GFRA2: variants seen among roughly 807,000 people sequenced by gnomAD.
GFRA2 encodes GDNF family receptor alpha-2.
In GFRA2, 17 loss-of-function variants were observed where a neutral mutation model predicts 48.3. That is an observed-to-expected ratio of 0.35 (90% CI 0.24 to 0.53). The LOEUF (loss-of-function observed/expected upper bound fraction) is 0.53. GFRA2 is among the 20% of genes least tolerant of loss of function. The probability of loss-of-function intolerance (pLI) is 0.93; values close to 1 mark genes in which losing one functional copy is unlikely to be tolerated. For missense variants in GFRA2, 660 were observed against 637.3 expected (o/e 1.04, Z -0.38); for synonymous variants, 305 against 257.2 (o/e 1.19, Z -1.78).
intron 4 of GFRA2, among the ~76,000 whole-genome samples, chr8:21,717,635 G>C (rs1044115915): frequency 2.0e-5 from 3 of 152,160 alleles, no homozygotes; most frequent in African/African-American, 7.2e-5. Context: ...AATGTTACGG[G>C]TTCTGGAAGC....
chr8:21,738,421 C>T (rs1804589828), intron 4 of GFRA2, among the ~76,000 whole-genome samples: 1 of 151,752 alleles, frequency 6.6e-6, no homozygotes, highest in Non-Finnish European at 1.5e-5. Flanking sequence ...GACTCCATCA[C>T]ATTTCAGCTT....
At chr8:21,712,608 G>A (rs1004403171) in intron 4 of GFRA2, among the ~76,000 whole-genome samples, 30 of 149,542 alleles carry the variant, frequency 2.0e-4, no homozygotes, top group African/African-American at 5.6e-4. Context: ...ACGGGGTGGC[G>A]GCCGGGCAGA....
intron 5 of GFRA2, 112 bp from the exon 6 acceptor site, chr8:21,705,237 A>G: frequency 9.5e-7 from 1 of 1,053,120 alleles, no homozygotes; most frequent in East Asian, 2.6e-5. Context: ...CCATCCTCTG[A>G]CCTGGCCCCA....
rs570763394 is a variant in GFRA2, at chr8:21,704,890, C to T, written c.1045+95G>A. ...GGCGGAGAAGCCTCATCTACATCAC[C>T]AGCCATCCCCACGGAAGGAGATGGG... On this transcript the variant is annotated intron_variant, in intron 6 of 8. Transcript: ENST00000524240. The T allele has an allele frequency of 3.3e-5, 33 of 989,960 alleles. No individual in the cohort carries two copies. In the African/African-American group the frequency reaches 4.4e-4, roughly 13 times the overall value. 61.3% of individuals were successfully genotyped at this position (989,960 alleles called of 1,614,324 possible).
chr8:21,743,050 T>C (rs1261052748), intron 4 of GFRA2, among the ~76,000 whole-genome samples: 1 of 152,178 alleles, frequency 6.6e-6, no homozygotes, highest in African/African-American at 2.4e-5. Context: ...TAATATCCAG[T>C]ATTCCAGCCT....
chr8:21,758,327 T>C (rs1805690671), intron 3 of GFRA2, among the ~76,000 whole-genome samples: 1 of 152,126 alleles, frequency 6.6e-6, no homozygotes, highest in African/African-American at 2.4e-5. Context: ...TTCATCCCCC[T>C]CTGCCACCTC....
intron 3 of GFRA2, among the ~76,000 whole-genome samples, chr8:21,773,922 C>G (rs1310896911): frequency 6.6e-6 from 1 of 152,228 alleles, no homozygotes; most frequent in Non-Finnish European, 1.5e-5. Flanking sequence ...TGAACATCCT[C>G]AGACTCACAG....
chr8:21,754,891 CA>C (rs1188016858), intron 3 of GFRA2, among the ~76,000 whole-genome samples: 5 of 151,986 alleles, frequency 3.3e-5, no homozygotes, highest in Non-Finnish European at 7.4e-5. Flanking sequence ...TACATCCAGA[CA>C]AAAGAATCTT....
intron 2 of GFRA2, among the ~76,000 whole-genome samples, chr8:21,799,721 G>A (rs1418357938): frequency 6.6e-6 from 1 of 152,158 alleles, no homozygotes; most frequent in Non-Finnish European, 1.5e-5. Context: ...TTGTTAGTCT[G>A]AAGAAACAAA....
chr8:21,763,937 A>G (rs928573071), intron 3 of GFRA2, among the ~76,000 whole-genome samples: 4 of 144,184 alleles, frequency 2.8e-5, no homozygotes, highest in Admixed American at 1.4e-4. Context: ...TGAGCAGCCA[A>G]AGGTCACTAG....
chr8:21,726,735 A>G (rs79779810), intron 4 of GFRA2, among the ~76,000 whole-genome samples: 1,534 of 147,682 alleles, frequency 0.01, 33 homozygotes, highest in African/African-American at 0.037. Context: ...TCTTAATTAC[A>G]TCTGCAAACA....
At chr8:21,698,378 C>T (rs1786276584) in intron 7 of GFRA2, among the ~76,000 whole-genome samples, 1 of 152,168 alleles carries the variant, frequency 6.6e-6, no homozygotes, top group African/African-American at 2.4e-5. Context: ...ATAGCTTTCT[C>T]CCAGGGATGC....
intron 4 of GFRA2, among the ~76,000 whole-genome samples, chr8:21,710,742 G>C (rs1004204822): frequency 6.6e-6 from 1 of 152,252 alleles, no homozygotes; most frequent in African/African-American, 2.4e-5. Flanking sequence ...ATAGCAAACG[G>C]AGGGGGAGAA....
intron 4 of GFRA2, among the ~76,000 whole-genome samples, chr8:21,740,075 G>C (rs974357288): frequency 4.6e-5 from 7 of 152,150 alleles, no homozygotes; most frequent in African/African-American, 1.7e-4. Flanking sequence ...CAGTATCAAA[G>C]ACCAACAGTG....
rs1459794356 is a variant in GFRA2, at chr8:21,750,781, G to A, written c.601C>T (p.His201Tyr). Reference protein sequence around the residue: ...PTERCNRRKCHKALRQFFDRV... With the variant: ...PTERCNRRKCYKALRQFFDRV... ...TCGAAGAACTGGCGCAGGGCCTTGT[G>A]GCACTTGCGGCGGTTGCAGCGCTCG... Residue 201 changes from histidine to tyrosine, a missense_variant, in exon 4 of 9, where the codon CAC (histidine) becomes TAC (tyrosine). Coordinates refer to ENST00000524240, the MANE Select transcript of GFRA2 (RefSeq NM_001495.5). This position sits in a 1 kb window ranked among gnomAD's most constrained non-coding sequence, Gnocchi z 5.7. 6.2e-7 allele frequency: 1 copy of A among 1,613,926 alleles called. No individual in the cohort carries two copies. The highest frequency in any genetic ancestry group is 1.6e-4 in the Middle Eastern group (1 of 6,084).
At chr8:21,700,624 G>A (rs989677612) in intron 7 of GFRA2, among the ~76,000 whole-genome samples, 9 of 152,198 alleles carry the variant, frequency 5.9e-5, no homozygotes, top group African/African-American at 1.9e-4. Context: ...CAGGCCTCTG[G>A]TGGCTTGGGT....
chr8:21,726,914 G>A (rs142996543), intron 4 of GFRA2, among the ~76,000 whole-genome samples: 19 of 151,706 alleles, frequency 1.3e-4, no homozygotes, highest in Admixed American at 2.6e-4. Flanking sequence ...CACCACACCC[G>A]GCTAATTTTG....
At chr8:21,712,928 G>A (rs1371524921) in intron 4 of GFRA2, among the ~76,000 whole-genome samples, 2 of 152,036 alleles carry the variant, frequency 1.3e-5, no homozygotes, top group Non-Finnish European at 2.9e-5. Flanking sequence ...AATCAGGCAG[G>A]GAGGTTGCAG....
At chr8:21,705,308 T>C (rs1450517309) in intron 5 of GFRA2, among the ~76,000 whole-genome samples, 183 bp from the exon 6 acceptor site, 1 of 152,076 alleles carries the variant, frequency 6.6e-6, no homozygotes, top group Non-Finnish European at 1.5e-5. Flanking sequence ...AGGGACCATG[T>C]TCAGCAGGGG....
Sources: allele counts gnomAD v4.1 joint callset (sites outside exome capture counted in the v4.1 genomes callset), GRCh38; gene constraint gnomAD v4.1.1; non-coding constraint Gnocchi (gnomAD v3.1); transcripts MANE v1.5; gene names NCBI Gene and HGNC (gene_info 2026-07-23, HGNC 2026-07-21).